MAP1S: variants seen among roughly 807,000 people sequenced by gnomAD.
MAP1S encodes microtubule associated protein 1S, also known as microtubule-associated protein 1S.
Under a neutral mutation model 60.9 loss-of-function variants are expected in MAP1S, and 27 were observed. The observed-to-expected ratio is 0.44, with a 90% CI of 0.33 to 0.61. The LOEUF (loss-of-function observed/expected upper bound fraction) is 0.61. MAP1S is among the 20% of genes least tolerant of loss of function. MAP1S has a pLI of 0.03. For missense variants in MAP1S, 1,608 were observed against 1,486.6 expected, an observed-to-expected ratio of 1.08 and a Z score of -1.34; for synonymous variants, 826 against 694.2, an observed-to-expected ratio of 1.19 and a Z score of -2.98.
Position 17,727,981 on chromosome 19 carries a change from T to C in MAP1S, c.2597T>C (p.Leu866Pro). 1 of 1,609,508 alleles carries C rather than the reference T, an allele frequency of 6.2e-7. No homozygotes were observed. Among genetic ancestry groups the C allele is most frequent in the South Asian group, 1.1e-5 (1 of 90,746 alleles). Reference sequence around the variant, plus strand: ...AACGTCAGCCGCACCCGGAAGCCCCTGGCCCGCCCCAACTCACGCGCTGCC... The same window carrying C: ...AACGTCAGCCGCACCCGGAAGCCCCCGGCCCGCCCCAACTCACGCGCTGCC... ...TENVSRTRKP[L>P]ARPNSRAAAP... Residue 866 changes from leucine (L) to proline (P), a missense_variant, in exon 5 of 7, where the codon CTG becomes CCG. By Grantham distance (98) the Leu-to-Pro change is moderately conservative. Around this residue, in one of 4 missense-constraint regions of MAP1S, gnomAD observed 1,167 missense variants for 961.4 expected, o/e 1.21. Coordinates refer to ENST00000324096, the MANE Select transcript of MAP1S (RefSeq NM_018174.6). This position sits in a 1 kb window ranked among gnomAD's most constrained non-coding sequence, Gnocchi z 4.1.
intron 1 of MAP1S, chr19:17,720,473 C>CAAGA: frequency 1.3e-6 from 2 of 1,529,112 alleles, no homozygotes; most frequent in Non-Finnish European, 1.7e-6. Flanking sequence ...GGAGATGGAA[C>CAAGA]AAGCTTCCAG....
In MAP1S at chr19:17,726,447, G is replaced by T. The variant is rs1402215328; in HGVS notation, c.1063G>T (p.Ala355Ser). ...GCGGCTGGCGCGCGGCGAGGATGAG[G>T]CGGAGCTGGCGCTGAGCCTCCTGGC... The part of the protein sequence containing the change: ...ASRLARGEDE[A>S]ELALSLLAQL... The change falls in exon 5 of 7, where the codon GCG (alanine) becomes TCG (serine). Residue 355 changes from alanine to serine, a missense_variant. Ala to Ser is a moderately conservative substitution (Grantham distance 99, BLOSUM62 1). Transcript: ENST00000324096. 6 of 1,554,472 alleles carry T rather than the reference G, an allele frequency of 3.9e-6. No homozygotes were observed. In the Admixed American group the frequency reaches 1.1e-4, roughly 30 times the overall value.
At chr19:17,730,063 C>T (rs1448275243) in intron 5 of MAP1S, among the ~76,000 whole-genome samples, 3 of 152,122 alleles carry the variant, frequency 2.0e-5, no homozygotes, top group African/African-American at 7.2e-5. Context: ...TGGCCTCGGC[C>T]TCCCAAAGTG....
At position 17,727,453 on chromosome 19, in the gene MAP1S, A is replaced by G; in HGVS notation, c.2069A>G (p.His690Arg). 1.9e-6 allele frequency: 3 copies of G among 1,604,928 alleles called. No individual in the cohort carries two copies. The highest frequency in any genetic ancestry group is 1.1e-5 in the South Asian group (1 of 89,980). The change falls in exon 5 of 7, where the codon CAC becomes CGC. Residue 690 changes from histidine to arginine, a missense_variant. His to Arg is a conservative substitution (Grantham distance 29). Transcript: ENST00000324096. The surrounding 1 kb of genome is among the most constrained non-coding windows in gnomAD (Gnocchi z 4.1). Reference sequence around the variant, plus strand: ...CTACCCGCAGAGGTGGGCTCCCCGCACTCGACCGAGGTGGACGAGTCCCTG... The same window carrying G: ...CTACCCGCAGAGGTGGGCTCCCCGCGCTCGACCGAGGTGGACGAGTCCCTG... Reference protein sequence around the residue: ...PSLPAEVGSPHSTEVDESLSV... With the variant: ...PSLPAEVGSPRSTEVDESLSV...
At chr19:17,723,555 AAAG>A (rs1035371748) in intron 2 of MAP1S, among the ~76,000 whole-genome samples, 1 of 151,184 alleles carries the variant, frequency 6.6e-6, no homozygotes, top group African/African-American at 2.4e-5. Context: ...TCTCAAAAAA[AAAG>A]AAAAGAAAAA....
Position 17,725,243 on chromosome 19 carries a change from G to T in MAP1S, c.444+54G>T. On this transcript the variant is annotated intron_variant, in intron 4 of 6. Transcript: ENST00000324096. The surrounding 1 kb of genome is among the most constrained non-coding windows in gnomAD (Gnocchi z 4.2). ...TCCCCAGCTCTGAATCCTGACTGGG[G>T]TGTATCAGGCTGTGTGGCACCAGCG... 1.9e-6 allele frequency: 3 copies of T among 1,565,630 alleles called. No homozygotes were observed. Among genetic ancestry groups the T allele is most frequent in the African/African-American group, 1.4e-5 (1 of 73,936 alleles).
At chr19:17,721,488 C>A in intron 2 of MAP1S, 1 of 256,480 alleles carries the variant, frequency 3.9e-6, no homozygotes. Context: ...ACTAGCCTGG[C>A]CAACGTGGAG....
chr19:17,726,721 TC>T lies in MAP1S; in HGVS notation c.1339del (p.Arg447AlafsTer5). 1 of 1,590,918 alleles carries T rather than the reference TC, an allele frequency of 6.3e-7. No individual in the cohort carries two copies. Among genetic ancestry groups the T allele is most frequent in the Non-Finnish European group, 8.5e-7 (1 of 1,172,234 alleles). Reference sequence around the variant, plus strand: ...CCCGCCTGCCTCCTGGACGGCCTGGTCCGCCTGCAGCACTTGAGGTTCCTGC... The same window carrying T: ...CCCGCCTGCCTCCTGGACGGCCTGGTCGCCTGCAGCACTTGAGGTTCCTGC... ...TPPACLLDGL[V>X]RLQHLRFLRE... On this transcript the variant is annotated frameshift_variant, in exon 5 of 7. Transcript: ENST00000324096. LOFTEE classifies it high-confidence loss of function.
chr19:17,733,061 C>A (rs2080505598), intron 5 of MAP1S, 132 bp from the exon 6 acceptor site: 1 of 608,718 alleles, frequency 1.6e-6, no homozygotes, highest in Admixed American at 3.1e-5. Context: ...CACCAGGCCT[C>A]CCCAGAAAAC....
At chr19:17,733,844 GAGGACC>G (rs1364498038) in intron 6 of MAP1S, among the ~76,000 whole-genome samples, 2 of 152,236 alleles carry the variant, frequency 1.3e-5, no homozygotes, top group Non-Finnish European at 2.9e-5. Flanking sequence ...TGGGCAGAGG[GAGGACC>G]GCCTCACACC....
chr19:17,720,661 G>T, intron 1 of MAP1S: 1 of 703,756 alleles, frequency 1.4e-6, no homozygotes. Context: ...AGTGGAAACG[G>T]GTCTGGCAGG....
At position 17,726,488 on chromosome 19, in the gene MAP1S, G is replaced by A. The variant is rs1425776777; in HGVS notation, c.1104G>A (p.Thr368=). 5.2e-6 allele frequency: 8 copies of A among 1,549,938 alleles called. No homozygotes were observed. The highest frequency in any genetic ancestry group is 2.4e-5 in the East Asian group (1 of 41,714). ...ALSLLAQLGI[T]PLPLSRGPVP... is the part of the protein sequence containing the mutation. ...GCCTCCTGGCGCAGCTGGGCATCAC[G>A]CCTCTGCCACTCAGCCGCGGCCCCG... The change falls in exon 5 of 7, where the codon ACG becomes ACA. Residue 368 remains threonine, a synonymous_variant. Coordinates refer to ENST00000324096, the MANE Select transcript of MAP1S (RefSeq NM_018174.6).
Position 17,727,550 on chromosome 19 carries a change from T to C in MAP1S, c.2166T>C (p.Arg722=). Residue 722 remains arginine (R), a synonymous_variant, in exon 5 of 7, where the codon CGT becomes CGC. Coordinates refer to ENST00000324096, the MANE Select transcript of MAP1S (RefSeq NM_018174.6). This position sits in a 1 kb window ranked among gnomAD's most constrained non-coding sequence, Gnocchi z 4.1. ...TSEAGLSLPL[R]GPRARRSASP... ...AGGCTGGGCTGAGCCTCCCGCTGCG[T>C]GGCCCCCGGGCGCGGCGCTCGGCTT... is the stretch of plus-strand genomic sequence containing the variant. The C allele has an allele frequency of 6.2e-7, 1 of 1,608,752 alleles. No homozygotes were observed. Among genetic ancestry groups the C allele is most frequent in the Non-Finnish European group, 8.5e-7 (1 of 1,179,378 alleles).
In MAP1S at chr19:17,728,160, C is replaced by G. The variant is rs1392046354; in HGVS notation, c.2776C>G (p.Arg926Gly). The G allele has an allele frequency of 5.7e-6, 9 of 1,590,550 alleles. No homozygotes were observed. The highest frequency in any genetic ancestry group is 6.9e-6 in the Non-Finnish European group (8 of 1,165,210). Residue 926 changes from arginine to glycine, a missense_variant, in exon 5 of 7, where the codon CGA (arginine) becomes GGA (glycine). Arg to Gly is a moderately radical substitution (Grantham distance 125). This residue lies in a region of MAP1S where 1,167 missense variants were observed against 961.4 expected (regional missense o/e 1.21). Coordinates refer to ENST00000324096, the MANE Select transcript of MAP1S (RefSeq NM_018174.6). ...GTCCTCAACCCCCAAGACTGCCACT[C>G]GAGGCCCGTCGGGTGAGTACTGGAG... is the stretch of plus-strand genomic sequence containing the variant. ...RKSSTPKTAT[R>G]GPSGSASSRP...
At position 17,725,800 on chromosome 19, in the gene MAP1S, TG is replaced by T; in HGVS notation, c.445-27del. ...GGGCTAGGTGTTGCCTGGCTCTAGG[TG>T]GTCCCTTACCACTCCTCCTCCATAC... On this transcript the variant is annotated intron_variant, in intron 4 of 6. Coordinates refer to ENST00000324096, the MANE Select transcript of MAP1S (RefSeq NM_018174.6). This position sits in a 1 kb window ranked among gnomAD's most constrained non-coding sequence, Gnocchi z 4.2. The T allele has an allele frequency of 4.4e-6, 7 of 1,589,586 alleles. No individual in the cohort carries two copies. The highest frequency in any genetic ancestry group is 6.0e-6 in the Non-Finnish European group (7 of 1,168,340).
chr19:17,722,563 G>T (rs1287628582), intron 2 of MAP1S, among the ~76,000 whole-genome samples: 5 of 151,948 alleles, frequency 3.3e-5, no homozygotes, highest in Admixed American at 3.3e-4. Flanking sequence ...AGCCTGACCA[G>T]TATGGTGACA....
At chr19:17,723,888 C>G (rs2051089186) in intron 2 of MAP1S, among the ~76,000 whole-genome samples, 1 of 152,264 alleles carries the variant, frequency 6.6e-6, no homozygotes, top group East Asian at 1.9e-4. Flanking sequence ...GCATCACTCC[C>G]AGGGGTGACA....
intron 2 of MAP1S, 72 bp downstream of exon 2, chr19:17,721,109 TG>T: frequency 5.1e-6 from 6 of 1,180,802 alleles, no homozygotes; most frequent in South Asian, 1.2e-5. Context: ...GTGCCAGGCA[TG>T]GGGGGTGGGA....
chr19:17,727,686 G>T lies in MAP1S; in HGVS notation c.2302G>T (p.Ala768Ser), dbSNP rs1221756021. The change falls in exon 5 of 7, where the codon GCC becomes TCC. Residue 768 changes from alanine (A) to serine (S), a missense_variant. By Grantham distance (99) the Ala-to-Ser change is moderately conservative. Around this residue, in one of 4 missense-constraint regions of MAP1S, gnomAD observed 1,167 missense variants for 961.4 expected, o/e 1.21. Coordinates refer to ENST00000324096, the MANE Select transcript of MAP1S (RefSeq NM_018174.6). The surrounding 1 kb of genome is among the most constrained non-coding windows in gnomAD (Gnocchi z 4.1). Reference sequence around the variant, plus strand: ...CCCCGGCAGCTCGAATGACAGCAGTGCCCGGTCACAGGAACGGGCAGGTGG... The same window carrying T: ...CCCCGGCAGCTCGAATGACAGCAGTTCCCGGTCACAGGAACGGGCAGGTGG... ...ASPGSSNDSS[A>S]RSQERAGGLG... 6.2e-7 allele frequency: 1 copy of T among 1,609,342 alleles called. No individual in the cohort carries two copies. The highest frequency in any genetic ancestry group is 1.3e-5 in the African/African-American group (1 of 74,872).
Sources: allele counts gnomAD v4.1 joint callset (sites outside exome capture counted in the v4.1 genomes callset), GRCh38; gene constraint gnomAD v4.1.1; regional missense constraint gnomAD v4.1.1; non-coding constraint Gnocchi (gnomAD v3.1); transcripts MANE v1.5; gene names NCBI Gene and HGNC (gene_info 2026-07-23, HGNC 2026-07-21).